TTYH3: variants seen among roughly 807,000 people sequenced by gnomAD.
TTYH3 encodes the protein protein tweety homolog 3.
TTYH3 carries 23 observed loss-of-function variants against 68.2 expected under a neutral mutation model. That is an observed-to-expected ratio of 0.34 (90% CI 0.24 to 0.48). TTYH3 has a LOEUF of 0.48. TTYH3 is among the 20% of genes least tolerant of loss of function. TTYH3 has a pLI of 0.99. For synonymous variants in TTYH3, 360 were observed against 332.8 expected (o/e 1.08, Z -0.89); for missense variants, 768 against 727.7 (o/e 1.06, Z -0.64).
rs760145715 is a variant in TTYH3 at position 2,656,077 on chromosome 7, G to A, written c.1021-15G>A. 37 of 1,531,150 alleles carry A rather than the reference G, an allele frequency of 2.4e-5. No homozygotes were observed. The highest frequency in any genetic ancestry group is 3.1e-5 in the Non-Finnish European group (35 of 1,131,092). The allele number at this position is 1,531,150 out of a possible 1,614,324, so 94.8% of individuals were successfully genotyped here. On this transcript the variant is annotated splice_polypyrimidine_tract_variant and intron_variant, in intron 9 of 13. Transcript: ENST00000258796. ...CCAAATGAAGTGCTGACCATCTGCGGTGCGTGCCCCCCAGGACCCCCTCCT... is the reference window on the plus strand; with the variant it reads ...CCAAATGAAGTGCTGACCATCTGCGATGCGTGCCCCCCAGGACCCCCTCCT...
chr7:2,636,929 T>C (rs1353220879), intron 1 of TTYH3, among the ~76,000 whole-genome samples: 4 of 152,116 alleles, frequency 2.6e-5, no homozygotes, highest in Non-Finnish European at 5.9e-5. Context: ...ACTCTGGGGT[T>C]CTCAAGCCCC....
At chr7:2,656,300 G>A in intron 10 of TTYH3, 98 bp from the exon 11 acceptor site, 1 of 1,564,170 alleles carries the variant, frequency 6.4e-7, no homozygotes, top group Non-Finnish European at 8.7e-7. Context: ...CCTGCCTCTG[G>A]GGGGCGGTCC....
At position 2,650,002 on chromosome 7, in the gene TTYH3, C is replaced by T. The variant is rs2114989177; in HGVS notation, c.871+14C>T. The T allele has an allele frequency of 6.2e-7, 1 of 1,613,686 alleles. No individual in the cohort carries two copies. The highest frequency in any genetic ancestry group is 8.5e-7 in the Non-Finnish European group (1 of 1,179,806). Reference sequence around the variant, plus strand: ...TGCTGAGTGGGGGTGAGTCTGTGTCCACGGCCGTGTCCCAGCGGGTTCCCC... The same window carrying T: ...TGCTGAGTGGGGGTGAGTCTGTGTCTACGGCCGTGTCCCAGCGGGTTCCCC... On this transcript the variant is annotated intron_variant, in intron 7 of 13. Transcript: ENST00000258796.
chr7:2,644,386 A>C (rs1275597433), intron 1 of TTYH3, among the ~76,000 whole-genome samples: 1 of 152,192 alleles, frequency 6.6e-6, no homozygotes, highest in East Asian at 1.9e-4. Flanking sequence ...AGCACAGAGC[A>C]TGGGTACCGT....
Position 2,645,224 on chromosome 7 carries a change from T to A in TTYH3, c.124-1629T>A, listed in dbSNP as rs1053552320. On this transcript the variant is annotated intron_variant, in intron 1 of 13. Coordinates refer to ENST00000258796, the MANE Select transcript of TTYH3 (RefSeq NM_025250.3). This position sits in a 1 kb window ranked among gnomAD's most constrained non-coding sequence, Gnocchi z 4.8. ...TCCCTCCCCCGGCACAGGAAGTGTG[T>A]GGAGGTTCTGGAGGGCTGAGCCGGG... Among the ~76,000 whole-genome samples, 5 of 151,986 alleles carry A rather than the reference T, an allele frequency of 3.3e-5. No individual in the cohort carries two copies. The highest frequency in any genetic ancestry group is 1.2e-4 in the African/African-American group (5 of 41,392).
At position 2,632,116 on chromosome 7, in the gene TTYH3, C is replaced by G. The variant is rs1400088128; in HGVS notation, c.-40C>G. On this transcript the variant is annotated 5_prime_UTR_variant, in exon 1 of 14. Coordinates refer to ENST00000258796, the MANE Select transcript of TTYH3 (RefSeq NM_025250.3). ...GCGCCCCGGGCCAGCAAGGGAGCCC[C>G]GCGCAGGCCGCGCGCATCCGGAGGC... 1.5e-6 allele frequency: 2 copies of G among 1,318,720 alleles called. No individual in the cohort carries two copies. Among genetic ancestry groups the G allele is most frequent in the Non-Finnish European group, 1.9e-6 (2 of 1,028,756 alleles). The allele number at this position is 1,318,720 out of a possible 1,614,324, so 81.7% of individuals were successfully genotyped here.
intron 1 of TTYH3, among the ~76,000 whole-genome samples, chr7:2,640,411 G>A (rs534649222): frequency 3.9e-5 from 6 of 152,086 alleles, no homozygotes; most frequent in African/African-American, 1.4e-4. Context: ...TGTGGGGGGG[G>A]ACGTGTGTTC....
At chr7:2,639,944 G>A (rs953668398) in intron 1 of TTYH3, among the ~76,000 whole-genome samples, 3 of 152,150 alleles carry the variant, frequency 2.0e-5, no homozygotes, top group African/African-American at 7.2e-5. Context: ...GGGGCTCGCT[G>A]GTCTCTCCCA....
At chr7:2,647,850 C>A in intron 4 of TTYH3, 109 bp from the exon 5 acceptor site, 1 of 1,318,882 alleles carries the variant, frequency 7.6e-7, no homozygotes, top group Non-Finnish European at 1.1e-6. Context: ...CTCTGAATGC[C>A]CTCTGGGGTG....
chr7:2,662,874 G>C lies in TTYH3; in HGVS notation c.*1135G>C, dbSNP rs1018270870. 6.6e-6 allele frequency: 1 copy of C among 152,462 alleles called. No individual in the cohort carries two copies. The highest frequency in any genetic ancestry group is 1.5e-5 in the Non-Finnish European group (1 of 68,106). 9.4% of individuals were successfully genotyped at this position (152,462 alleles called of 1,614,324 possible). ...CGTTTCTTCATGGGGTGCTCCAGGG[G>C]GTGCCACAGACCGACAGGCAGCCCA... On this transcript the variant is annotated 3_prime_UTR_variant, in exon 14 of 14. Transcript: ENST00000258796.
In TTYH3 at chr7:2,656,455, C is replaced by T; in HGVS notation, c.1171C>T (p.Leu391=). ...CYDGVEGLIY[L]ALFSFVTALM... ...TGACGGCGTGGAGGGCCTCATCTAC[C>T]TGGCCCTCTTCTCCTTCGTCACAGC... The change falls in exon 11 of 14, where the codon CTG becomes TTG. Residue 391 remains leucine (L), a synonymous_variant. Transcript: ENST00000258796. The T allele has an allele frequency of 6.2e-7, 1 of 1,612,248 alleles. No individual in the cohort carries two copies. The highest frequency in any genetic ancestry group is 8.5e-7 in the Non-Finnish European group (1 of 1,179,812).
Position 2,649,998 on chromosome 7 carries a change from T to C in TTYH3, c.871+10T>C, listed in dbSNP as rs1415695075. On this transcript the variant is annotated intron_variant, in intron 7 of 13. Coordinates refer to ENST00000258796, the MANE Select transcript of TTYH3 (RefSeq NM_025250.3). Reference sequence around the variant, plus strand: ...TCGGTGCTGAGTGGGGGTGAGTCTGTGTCCACGGCCGTGTCCCAGCGGGTT... The same window carrying C: ...TCGGTGCTGAGTGGGGGTGAGTCTGCGTCCACGGCCGTGTCCCAGCGGGTT... 1.9e-6 allele frequency: 3 copies of C among 1,613,822 alleles called. No homozygotes were observed. The highest frequency in any genetic ancestry group is 2.5e-6 in the Non-Finnish European group (3 of 1,179,874).
At chr7:2,650,067 G>C in intron 7 of TTYH3, 79 bp downstream of exon 7, 2 of 1,459,260 alleles carry the variant, frequency 1.4e-6, no homozygotes, top group Non-Finnish European at 1.9e-6. Context: ...AGCTGAGGCC[G>C]AGACACCCCT....
chr7:2,656,499 C>T lies in TTYH3; in HGVS notation c.1215C>T (p.Ile405=), dbSNP rs776582638. The T allele has an allele frequency of 2.6e-5, 42 of 1,609,828 alleles. No homozygotes were observed. The Middle Eastern group carries it at 8.3e-4, about 32-fold the overall frequency. ...SFVTALMFSS[I]VCSVPHTWQQ... ...TCACAGCCCTCATGTTCAGCTCCAT[C>T]GTCTGCAGCGTCCCGCACACCTGGC... is the stretch of plus-strand genomic sequence containing the variant. Residue 405 remains isoleucine, a synonymous_variant, in exon 11 of 14, where the codon ATC becomes ATT. Coordinates refer to ENST00000258796, the MANE Select transcript of TTYH3 (RefSeq NM_025250.3).
intron 1 of TTYH3, among the ~76,000 whole-genome samples, chr7:2,635,060 C>T (rs1785622072): frequency 6.6e-6 from 1 of 152,152 alleles, no homozygotes; most frequent in Non-Finnish European, 1.5e-5. Flanking sequence ...GAGAGGGGCT[C>T]CCGTGCTGCC....
intron 13 of TTYH3, chr7:2,660,079 G>A (rs968972122): frequency 2.4e-5 from 31 of 1,287,148 alleles, no homozygotes; most frequent in Middle Eastern, 2.2e-4. Context: ...ACGGCCACCC[G>A]CCTGCGCCTC....
In TTYH3 at chr7:2,645,692, C is replaced by A. The variant is rs534159936; in HGVS notation, c.124-1161C>A. ...GGGGCACGCCATGGACGGTGCCCAC[C>A]CCTGAGTGCAGCTTCTCGGTGCACA... On this transcript the variant is annotated intron_variant, in intron 1 of 13. Transcript: ENST00000258796. This position sits in a 1 kb window ranked among gnomAD's most constrained non-coding sequence, Gnocchi z 4.8. The A allele has an allele frequency of 1.2e-5, 5 of 433,578 alleles. No individual in the cohort carries two copies. The highest frequency in any genetic ancestry group is 7.1e-5 in the East Asian group (1 of 14,042). The allele number at this position is 433,578 out of a possible 1,614,324, so 26.9% of individuals were successfully genotyped here.
intron 1 of TTYH3, among the ~76,000 whole-genome samples, chr7:2,640,351 G>T (rs1338278629): frequency 1.3e-5 from 2 of 152,066 alleles, no homozygotes; most frequent in African/African-American, 4.8e-5. Context: ...GGGTAGCGGG[G>T]TGGGCAGCTG....
chr7:2,646,704 G>A, intron 1 of TTYH3, 149 bp from the exon 2 acceptor site: 2 of 836,028 alleles, frequency 2.4e-6, no homozygotes, highest in Middle Eastern at 3.6e-4. Flanking sequence ...GAGACTCCAT[G>A]CCTCACCTAC....
Sources: gnomAD v4.1 joint callset for allele counts (sites outside exome capture counted in the v4.1 genomes callset) on GRCh38, gnomAD v4.1.1 for gene constraint, Gnocchi (gnomAD v3.1) non-coding constraint, MANE v1.5 for transcripts, NCBI Gene and HGNC (gene_info 2026-07-23, HGNC 2026-07-21) for gene names.